FGD4: variants seen among roughly 807,000 people sequenced by gnomAD.
FGD4 encodes FYVE, RhoGEF and PH domain-containing protein 4.
A neutral mutation model predicts 102.0 loss-of-function variants in FGD4; 42 were observed. That is an observed-to-expected ratio of 0.41 (90% confidence interval 0.32 to 0.53). The LOEUF (loss-of-function observed/expected upper bound fraction) is 0.53. FGD4 is among the 20% of genes least tolerant of loss of function. FGD4 has a pLI of 0.21. For synonymous variants in FGD4, 380 were observed against 375.7 expected (o/e 1.01, Z -0.13); for missense variants, 902 against 1,078.2 (o/e 0.84, Z 2.29).
At position 32,588,757 on chromosome 12, in the gene FGD4, C is replaced by G. The variant is rs533384678; in HGVS notation, c.1011+6290C>G. On this transcript the variant is annotated intron_variant, in intron 4 of 16. Transcript: ENST00000534526. ...TGGAGTGGGAATTAGCCAGGATCAG[C>G]AAGTCAGCAGTGCCAAGAGAACAAA... 3.9e-5 allele frequency among the ~76,000 whole-genome samples: 6 copies of G among 152,280 alleles called. No individual in the cohort carries two copies. The East Asian group carries it at 1.2e-3, about 29-fold the overall frequency.
intron 1 of FGD4, among the ~76,000 whole-genome samples, chr12:32,538,202 A>G (rs1294623145): frequency 6.6e-6 from 1 of 152,090 alleles, no homozygotes; most frequent in African/African-American, 2.4e-5. Flanking sequence ...CTGGCCCATC[A>G]TAGCACTTTT....
At chr12:32,540,533 A>T (rs1210121034) in intron 1 of FGD4, among the ~76,000 whole-genome samples, 1 of 151,034 alleles carries the variant, frequency 6.6e-6, no homozygotes, top group Non-Finnish European at 1.5e-5. Flanking sequence ...GCCCTTCAGG[A>T]GATTGACGCC....
chr12:32,580,589 T>C (rs1202502054), intron 3 of FGD4, among the ~76,000 whole-genome samples: 1 of 151,956 alleles, frequency 6.6e-6, no homozygotes, highest in Admixed American at 6.6e-5. Flanking sequence ...GAATCCTAGA[T>C]TAAAATCTGT....
At chr12:32,452,043 T>A (rs1942793261) in intron 1 of FGD4, among the ~76,000 whole-genome samples, 1 of 152,150 alleles carries the variant, frequency 6.6e-6, no homozygotes, top group Non-Finnish European at 1.5e-5. Flanking sequence ...GGAAGCTACG[T>A]AAATGTGGAC....
intron 1 of FGD4, among the ~76,000 whole-genome samples, chr12:32,435,253 T>C (rs1942190145): frequency 6.6e-6 from 1 of 152,194 alleles, no homozygotes; most frequent in South Asian, 2.1e-4. Flanking sequence ...GGCCACTTCA[T>C]TTCTTTAAAG....
chr12:32,492,063 G>A (rs1224492785), intron 1 of FGD4, among the ~76,000 whole-genome samples: 1 of 152,196 alleles, frequency 6.6e-6, no homozygotes, highest in East Asian at 1.9e-4. Context: ...AGCCTTTTTA[G>A]AAAGTCAGAT....
At chr12:32,602,131 T>TA in intron 6 of FGD4, 30 bp from the exon 7 acceptor site, 3 of 1,611,506 alleles carry the variant, frequency 1.9e-6, no homozygotes, top group Non-Finnish European at 2.5e-6. Context: ...AAATTTTTTT[T>TA]AAAGACTTGT....
intron 9 of FGD4, 151 bp from the exon 10 acceptor site, chr12:32,610,986 C>G: frequency 8.0e-7 from 1 of 1,243,680 alleles, no homozygotes; most frequent in South Asian, 1.3e-5. Context: ...GAATAATTCT[C>G]TGAACTTGCT....
rs998836483 is a variant in FGD4 at position 32,520,432 on chromosome 12, T to G, written c.167-43705T>G. On this transcript the variant is annotated intron_variant, in intron 1 of 16. Transcript: ENST00000534526. ...TTTTAAGTTCTATTGTGGGTTTTTT[T>G]GTTTTTTGTTTTTTTTTTTTAGAGA... Among the ~76,000 whole-genome samples, 9 of 127,972 alleles carry G rather than the reference T, an allele frequency of 7.0e-5. No individual in the cohort carries two copies. The South Asian group carries it at 1.2e-3, about 18-fold the overall frequency. 84.0% of individuals were successfully genotyped at this position (127,972 alleles called of 152,430 possible). A position where few individuals can be genotyped will look rare whatever the true frequency, so the allele number is the denominator to read the frequency against.
At chr12:32,624,808 G>A in intron 12 of FGD4, 168 bp from the exon 13 acceptor site, 2 of 669,304 alleles carry the variant, frequency 3.0e-6, no homozygotes, top group Non-Finnish European at 5.3e-6. Flanking sequence ...ACATCTCTGT[G>A]TATACAAATG....
chr12:32,643,675 T>A lies in FGD4; in HGVS notation c.*3142T>A, dbSNP rs991550629. On this transcript the variant is annotated 3_prime_UTR_variant, in exon 17 of 17. Transcript: ENST00000534526. ...TATATACGCACACGTTTGGATTTTT[T>A]TTTTTTAAGAACACTTGTTCTAGTT... 1.3e-5 allele frequency: 2 copies of A among 152,054 alleles called. No individual in the cohort carries two copies. Among genetic ancestry groups the A allele is most frequent in the African/African-American group, 4.8e-5 (2 of 41,450 alleles). The allele number at this position is 152,054 out of a possible 1,614,324, so 9.4% of individuals were successfully genotyped here. A position where few individuals can be genotyped will look rare whatever the true frequency, so the allele number is the denominator to read the frequency against.
chr12:32,624,826 A>G (rs1950052975), intron 12 of FGD4, 150 bp from the exon 13 acceptor site: 1 of 716,538 alleles, frequency 1.4e-6, no homozygotes, highest in Non-Finnish European at 2.5e-6. Context: ...ATGTGCATAT[A>G]TTGTTGTGTG....
At chr12:32,459,523 G>T (rs773889145) in intron 1 of FGD4, among the ~76,000 whole-genome samples, 23 of 151,892 alleles carry the variant, frequency 1.5e-4, no homozygotes, top group Non-Finnish European at 2.8e-4. Flanking sequence ...ATCATAAAAT[G>T]TAAATTTAAG....
chr12:32,406,580 T>A (rs535031914), intron 1 of FGD4, among the ~76,000 whole-genome samples: 1 of 151,198 alleles, frequency 6.6e-6, no homozygotes, highest in South Asian at 2.1e-4. Context: ...AAAGAAAAAA[T>A]TTATGCATGT....
chr12:32,620,892 ACC>A (rs1949801258), intron 11 of FGD4, among the ~76,000 whole-genome samples: 1 of 149,306 alleles, frequency 6.7e-6, no homozygotes, highest in Admixed American at 6.7e-5. Flanking sequence ...CGAACTCCTG[ACC>A]TCAGGTGATC....
chr12:32,572,943 T>C (rs1229996639), intron 2 of FGD4, among the ~76,000 whole-genome samples: 1 of 152,232 alleles, frequency 6.6e-6, no homozygotes, highest in Non-Finnish European at 1.5e-5. Flanking sequence ...TGCAATTTGT[T>C]TGGTTGCCCA....
In FGD4 at chr12:32,640,353, C is replaced by G; in HGVS notation, c.2532C>G (p.His844Gln). The change falls in exon 17 of 17, where the codon CAC becomes CAG. Residue 844 changes from histidine to glutamine, a missense_variant. Coordinates refer to ENST00000534526, the MANE Select transcript of FGD4 (RefSeq NM_001370298.3). ...DEMPRSADLP[H>Q]SFKLTQSKSV... ...TGCCAAGGAGCGCAGACCTGCCACA[C>G]AGTTTCAAACTGACCCAGTCTAAGT... 1 of 1,614,224 alleles carries G rather than the reference C, an allele frequency of 6.2e-7. No individual in the cohort carries two copies. The highest frequency in any genetic ancestry group is 8.5e-7 in the Non-Finnish European group (1 of 1,180,044).
chr12:32,415,418 T>C (rs1327658967), intron 1 of FGD4, among the ~76,000 whole-genome samples: 2 of 44,764 alleles, frequency 4.5e-5, no homozygotes, highest in Admixed American at 2.1e-4. Flanking sequence ...GTCTCTCTTT[T>C]TTTTTTTTTT....
intron 1 of FGD4, among the ~76,000 whole-genome samples, chr12:32,470,376 G>A (rs957324697): frequency 4.6e-5 from 7 of 151,980 alleles, no homozygotes; most frequent in African/African-American, 1.4e-4. Flanking sequence ...TATTGATGCC[G>A]AAGTATTCTC....
Sources: allele counts gnomAD v4.1 joint callset (sites outside exome capture counted in the v4.1 genomes callset), GRCh38; gene constraint gnomAD v4.1.1; transcripts MANE v1.5; gene names NCBI Gene and HGNC (gene_info 2026-07-23, HGNC 2026-07-21).